Variants in AMBRA1 observed in about 807,000 individuals in gnomAD.
AMBRA1 encodes the protein autophagy and beclin 1 regulator 1.
Under a neutral mutation model 125.4 loss-of-function variants are expected in AMBRA1, and 47 were observed. The ratio of observed to expected loss-of-function variants is 0.37; its 90% confidence interval spans 0.30 to 0.48. The LOEUF (loss-of-function observed/expected upper bound fraction) is 0.48, where lower values mean the gene tolerates loss of function less well. Among genes scored for constraint, AMBRA1 ranks in the 20% least tolerant of loss-of-function variants. The pLI is 0.99. For missense variants in AMBRA1, 1,331 were observed against 1,693.4 expected (o/e 0.79, Z 3.76); for synonymous variants, 626 against 655.5 (o/e 0.95, Z 0.69).
chr11:46,446,485 A>T (rs549186128), intron 11 of AMBRA1, among the ~76,000 whole-genome samples: 1 of 152,314 alleles, frequency 6.6e-6, no homozygotes, highest in Admixed American at 6.5e-5. Flanking sequence ...CTGCTAAGGG[A>T]TTTCTAAGGT....
intron 7 of AMBRA1, among the ~76,000 whole-genome samples, chr11:46,529,307 C>G (rs910482646): frequency 6.6e-6 from 1 of 152,190 alleles, no homozygotes; most frequent in Non-Finnish European, 1.5e-5. Flanking sequence ...TCCATTTTCC[C>G]CCTTTGGAAA....
rs764792683 is a variant in AMBRA1 at position 46,547,278 on chromosome 11, G to A, written c.213C>T (p.Thr71=). Residue 71 remains threonine (T), a synonymous_variant, in exon 4 of 18, where the codon ACC becomes ACT. Transcript: ENST00000683756. Reference sequence around the variant, plus strand: ...TAATATAGATATTATGGTTCACATGGGTGGAGGCTAAGAGAGTCCTAGAAA... The same window carrying A: ...TAATATAGATATTATGGTTCACATGAGTGGAGGCTAAGAGAGTCCTAGAAA... The part of the protein sequence containing the change: ...FSPDRTLLAS[T]HVNHNIYITE... The A allele has an allele frequency of 6.2e-7, 1 of 1,611,558 alleles. No individual in the cohort carries two copies. Among genetic ancestry groups the A allele is most frequent in the African/African-American group, 1.3e-5 (1 of 74,798 alleles).
intron 13 of AMBRA1, among the ~76,000 whole-genome samples, chr11:46,434,133 A>AG (rs1258186567): frequency 6.6e-6 from 1 of 151,522 alleles, no homozygotes; most frequent in Non-Finnish European, 1.5e-5. Flanking sequence ...AAAAAAAAAA[A>AG]AAAAGAAAGA....
chr11:46,439,367 G>A (rs1194407236), intron 12 of AMBRA1, among the ~76,000 whole-genome samples: 1 of 152,132 alleles, frequency 6.6e-6, no homozygotes, highest in Non-Finnish European at 1.5e-5. Context: ...CACTAGAACA[G>A]AACAGAGAGT....
At chr11:46,413,773 G>A (rs568873166) in intron 15 of AMBRA1, among the ~76,000 whole-genome samples, 33 of 152,254 alleles carry the variant, frequency 2.2e-4, no homozygotes, top group South Asian at 6.2e-4. Context: ...TTACAGGCAT[G>A]AGCCACCATG....
At chr11:46,434,134 A>G (rs964318377) in intron 13 of AMBRA1, among the ~76,000 whole-genome samples, 61 of 151,466 alleles carry the variant, frequency 4.0e-4, no homozygotes, top group East Asian at 2.1e-3. Context: ...AAAAAAAAAA[A>G]AAAGAAAGAA....
intron 7 of AMBRA1, 89 bp downstream of exon 7, chr11:46,541,856 C>T (rs2135165685): frequency 6.5e-7 from 1 of 1,536,444 alleles, no homozygotes; most frequent in East Asian, 2.2e-5. Context: ...CCCAGACACT[C>T]CAGATACAGC....
intron 11 of AMBRA1, among the ~76,000 whole-genome samples, chr11:46,449,125 G>A (rs760898909): frequency 3.3e-5 from 5 of 152,062 alleles, no homozygotes; most frequent in Non-Finnish European, 7.3e-5. Flanking sequence ...CTAAGACCAG[G>A]AACAAGGCAA....
intron 11 of AMBRA1, among the ~76,000 whole-genome samples, chr11:46,487,893 C>T (rs1173199298): frequency 1.3e-5 from 2 of 151,972 alleles, no homozygotes; most frequent in East Asian, 3.9e-4. Flanking sequence ...AAACAAGCTC[C>T]AATCATATGC....
chr11:46,553,844 C>T (rs12287998), intron 1 of AMBRA1, among the ~76,000 whole-genome samples: 3,863 of 152,206 alleles, frequency 0.025, 161 homozygotes, highest in African/African-American at 0.087. Flanking sequence ...AAATTCTAGC[C>T]TGTATCCTCA....
At chr11:46,466,905 T>TTTTTC (rs1420555446) in intron 11 of AMBRA1, among the ~76,000 whole-genome samples, 2 of 139,968 alleles carry the variant, frequency 1.4e-5, no homozygotes, top group East Asian at 2.2e-4. Flanking sequence ...AATGTTTCTT[T>TTTTTC]TTTTCTTTTC....
intron 15 of AMBRA1, among the ~76,000 whole-genome samples, chr11:46,411,430 C>T (rs1483657365): frequency 6.6e-6 from 1 of 151,432 alleles, no homozygotes; most frequent in Non-Finnish European, 1.5e-5. Context: ...GGCTGTGCTG[C>T]CTCAGGTAAA....
intron 7 of AMBRA1, among the ~76,000 whole-genome samples, chr11:46,538,352 A>C (rs774371826): frequency 2.6e-5 from 4 of 152,234 alleles, no homozygotes; most frequent in Admixed American, 6.5e-5. Context: ...TAAATATAAA[A>C]TTGTTTACAG....
intron 10 of AMBRA1, 35 bp downstream of exon 10, chr11:46,494,088 GA>G: frequency 6.4e-7 from 1 of 1,565,388 alleles, no homozygotes; most frequent in Non-Finnish European, 8.7e-7. Context: ...AGGCTCTAAC[GA>G]AGGCTCCCTC....
intron 8 of AMBRA1, among the ~76,000 whole-genome samples, chr11:46,508,579 A>C (rs1951148280): frequency 6.6e-6 from 1 of 152,218 alleles, no homozygotes; most frequent in African/African-American, 2.4e-5. Context: ...TTCTGAGATA[A>C]GGCAAACAGG....
At chr11:46,550,381 T>C (rs1024358198) in intron 1 of AMBRA1, among the ~76,000 whole-genome samples, 2 of 152,206 alleles carry the variant, frequency 1.3e-5, no homozygotes, top group African/African-American at 4.8e-5. Flanking sequence ...AGTGATCATT[T>C]GTAGAAAGAT....
intron 11 of AMBRA1, among the ~76,000 whole-genome samples, chr11:46,480,306 T>A (rs536769458): frequency 5.6e-4 from 86 of 152,292 alleles, no homozygotes; most frequent in African/African-American, 1.9e-3. Context: ...TTTTACCTAC[T>A]AAACCATCTA....
chr11:46,417,919 C>A lies in AMBRA1; in HGVS notation c.3110G>T (p.Arg1037Leu). 1 of 1,608,530 alleles carries A rather than the reference C, an allele frequency of 6.2e-7. No individual in the cohort carries two copies. Among genetic ancestry groups the A allele is most frequent in the South Asian group, 1.1e-5 (1 of 90,536 alleles). The change falls in exon 15 of 18, where the codon CGA (arginine) becomes CTA (leucine). Residue 1037 changes from arginine to leucine, a missense_variant. Arg to Leu is a moderately radical substitution (Grantham distance 102, BLOSUM62 -2). Transcript: ENST00000683756. ...CACACTTTAAGCCACTTACTCTGGTCGGCAGATCACCAGGTCTCCTTTGTT... is the reference window on the plus strand; with the variant it reads ...CACACTTTAAGCCACTTACTCTGGTAGGCAGATCACCAGGTCTCCTTTGTT... ...GTNKGDLVIC[R>L]PEALNSGVEY...
At chr11:46,418,660 C>T (rs1261144655) in intron 14 of AMBRA1, among the ~76,000 whole-genome samples, 1 of 151,728 alleles carries the variant, frequency 6.6e-6, no homozygotes, top group Admixed American at 6.6e-5. Context: ...GTTTGGTTTT[C>T]GAACAGGATG....
Sources: allele counts gnomAD v4.1 joint callset (sites outside exome capture counted in the v4.1 genomes callset), GRCh38; gene constraint gnomAD v4.1.1; transcripts MANE v1.5; gene names NCBI Gene and HGNC (gene_info 2026-07-23, HGNC 2026-07-21).